SPIRE1: variants seen among roughly 807,000 people sequenced by gnomAD.
SPIRE1 encodes protein spire homolog 1.
A neutral mutation model predicts 94.1 loss-of-function variants in SPIRE1; 40 were observed. That is an observed-to-expected ratio of 0.43 (90% CI 0.33 to 0.55). The LOEUF (loss-of-function observed/expected upper bound fraction) is 0.55. Among genes scored for constraint, SPIRE1 ranks in the 20% least tolerant of loss-of-function variants. The pLI is 0.06. For missense variants in SPIRE1, 838 were observed against 975.2 expected (o/e 0.86, Z 1.87); for synonymous variants, 376 against 371.7 (o/e 1.01, Z -0.13).
chr18:12,541,698 A>G (rs1437479859), intron 3 of SPIRE1, among the ~76,000 whole-genome samples: 2 of 152,108 alleles, frequency 1.3e-5, no homozygotes, highest in African/African-American at 4.8e-5. Flanking sequence ...TCCTATTTAT[A>G]GTGTCTACTC....
At chr18:12,656,754 G>A in intron 1 of SPIRE1, 2 of 889,804 alleles carry the variant, frequency 2.2e-6, no homozygotes, top group Non-Finnish European at 2.7e-6. Flanking sequence ...ATAAATTACT[G>A]TTTAGGTCAT....
chr18:12,481,088 G>C (rs2032825357), intron 9 of SPIRE1, among the ~76,000 whole-genome samples: 1 of 152,130 alleles, frequency 6.6e-6, no homozygotes, highest in African/African-American at 2.4e-5. Flanking sequence ...CCAGCACTTT[G>C]GGAGGCCGAG....
At chr18:12,605,719 C>T (rs1383801539) in intron 2 of SPIRE1, among the ~76,000 whole-genome samples, 1 of 152,146 alleles carries the variant, frequency 6.6e-6, no homozygotes, top group Non-Finnish European at 1.5e-5. Context: ...ACTTGAATTA[C>T]TCCTAGGTAC....
chr18:12,480,917 T>C lies in SPIRE1; in HGVS notation c.1232-1046A>G, dbSNP rs9945568. 2.5e-3 allele frequency among the ~76,000 whole-genome samples: 377 copies of C among 152,340 alleles called. 4 individuals carry two copies. The highest frequency in any genetic ancestry group is 8.8e-3 in the African/African-American group (364 of 41,576). The stretch of plus-strand genomic sequence containing the variant: ...ATAGACCAGCACACTCGACTGCTCT[T>C]TGCATGCAGTCTGTGAGGCTGCCGT... On this transcript the variant is annotated intron_variant, in intron 9 of 16. Coordinates refer to ENST00000409402, the MANE Select transcript of SPIRE1 (RefSeq NM_001128626.2).
intron 2 of SPIRE1, among the ~76,000 whole-genome samples, chr18:12,556,784 G>T (rs1342561334): frequency 1.3e-5 from 2 of 152,166 alleles, no homozygotes; most frequent in Non-Finnish European, 2.9e-5. Flanking sequence ...AGGTGGTGAG[G>T]ACCCAAAGAG....
chr18:12,564,249 G>A (rs1013287817), intron 2 of SPIRE1, among the ~76,000 whole-genome samples: 2 of 152,132 alleles, frequency 1.3e-5, no homozygotes, highest in Admixed American at 1.3e-4. Flanking sequence ...TAATGGAACA[G>A]ACCCAGTGGG....
intron 6 of SPIRE1, among the ~76,000 whole-genome samples, chr18:12,501,244 CAGAA>C (rs2033654189): frequency 6.6e-6 from 1 of 152,010 alleles, no homozygotes; most frequent in Non-Finnish European, 1.5e-5. Flanking sequence ...TTCACGGAGA[CAGAA>C]AGCATATTTG....
intron 4 of SPIRE1, among the ~76,000 whole-genome samples, chr18:12,522,397 A>G (rs1001403295): frequency 6.6e-6 from 1 of 152,238 alleles, no homozygotes; most frequent in African/African-American, 2.4e-5. Context: ...TAACAGAGAT[A>G]GGTTCATTAG....
chr18:12,639,128 A>C (rs182311886), intron 1 of SPIRE1, among the ~76,000 whole-genome samples: 1 of 151,544 alleles, frequency 6.6e-6, no homozygotes, highest in East Asian at 2.0e-4. Context: ...CCTCAAAAAA[A>C]ATTTTTTTTT....
intron 2 of SPIRE1, among the ~76,000 whole-genome samples, chr18:12,634,431 T>C (rs1259463330): frequency 6.6e-6 from 1 of 151,942 alleles, no homozygotes; most frequent in African/African-American, 2.4e-5. Flanking sequence ...TATGACATAC[T>C]GCACTGAATT....
intron 2 of SPIRE1, among the ~76,000 whole-genome samples, chr18:12,629,464 C>T (rs886830963): frequency 1.3e-5 from 2 of 152,132 alleles, no homozygotes; most frequent in East Asian, 3.8e-4. Context: ...CAAGCGCCTA[C>T]GAGTACAGGT....
chr18:12,622,114 C>T (rs911407532), intron 2 of SPIRE1, among the ~76,000 whole-genome samples: 2 of 152,186 alleles, frequency 1.3e-5, no homozygotes, highest in Non-Finnish European at 2.9e-5. Context: ...CTCCACGTCA[C>T]AGGCCAGCTA....
chr18:12,455,755 A>C (rs1013694405), intron 12 of SPIRE1, among the ~76,000 whole-genome samples: 1 of 152,220 alleles, frequency 6.6e-6, no homozygotes, highest in Non-Finnish European at 1.5e-5. Context: ...TTCTCAGCAC[A>C]AACACATTAT....
intron 3 of SPIRE1, among the ~76,000 whole-genome samples, chr18:12,545,996 A>C (rs2035152209): frequency 6.6e-6 from 1 of 152,058 alleles, no homozygotes; most frequent in Admixed American, 6.6e-5. Context: ...CTTTATTATT[A>C]TTATTATTAT....
At chr18:12,574,605 A>C (rs77655602) in intron 2 of SPIRE1, among the ~76,000 whole-genome samples, 2,361 of 152,356 alleles carry the variant, frequency 0.015, 40 homozygotes, top group African/African-American at 0.043. Context: ...GACACTAAAT[A>C]GGCAGCTGTG....
At chr18:12,593,795 C>CA (rs1228984845) in intron 2 of SPIRE1, among the ~76,000 whole-genome samples, 2 of 151,912 alleles carry the variant, frequency 1.3e-5, no homozygotes, top group South Asian at 2.1e-4. Flanking sequence ...ACTAAAAATA[C>CA]AAAAAAATTA....
At chr18:12,614,586 TGGGCAGATCACCTGA>T (rs960312836) in intron 2 of SPIRE1, among the ~76,000 whole-genome samples, 18 of 149,098 alleles carry the variant, frequency 1.2e-4, no homozygotes, top group African/African-American at 4.2e-4. Context: ...GAGGCCAAGG[TGGGCAGATCACCTGA>T]GGTCAGGAGT....
In SPIRE1 at chr18:12,493,198, A is replaced by C; in HGVS notation, c.1063T>G (p.Ser355Ala). 2 of 1,607,542 alleles carry C rather than the reference A, an allele frequency of 1.2e-6. No homozygotes were observed. The highest frequency in any genetic ancestry group is 4.5e-5 in the East Asian group (2 of 44,854). ...IRSRPPLNPV[S>A]ARKLKPTPPR... ...GGAGTTGGTTTCAGTTTTCTGGCTG[A>C]GACCTTGAAAGTAAGAAAAATGGCT... Residue 355 changes from serine to alanine, a missense_variant, in exon 8 of 17, where the codon TCA (serine) becomes GCA (alanine). By Grantham distance (99) the Ser-to-Ala change is moderately conservative. Coordinates refer to ENST00000409402, the MANE Select transcript of SPIRE1 (RefSeq NM_001128626.2).
In SPIRE1 at chr18:12,657,729, C is replaced by T. The variant is rs1702610068; in HGVS notation, c.138G>A (p.Leu46=). ...CGTTGATGGGCTGGTTGTACAGCCG[C>T]AGGATCTCCTCCAGGCTCAGCGCGT... ...SRDALSLEEI[L]RLYNQPINEE... is the part of the protein sequence containing the mutation. The change falls in exon 1 of 17, where the codon CTG becomes CTA. Residue 46 remains leucine (L), a synonymous_variant. Coordinates refer to ENST00000409402, the MANE Select transcript of SPIRE1 (RefSeq NM_001128626.2). 2.8e-6 allele frequency: 4 copies of T among 1,403,646 alleles called. No individual in the cohort carries two copies. The highest frequency in any genetic ancestry group is 1.5e-5 in the African/African-American group (1 of 66,836). The allele number at this position is 1,403,646 out of a possible 1,614,324, so 86.9% of individuals were successfully genotyped here.
Sources: allele counts gnomAD v4.1 joint callset (sites outside exome capture counted in the v4.1 genomes callset), GRCh38; gene constraint gnomAD v4.1.1; transcripts MANE v1.5; gene names NCBI Gene and HGNC (gene_info 2026-07-23, HGNC 2026-07-21).